KCNMA1: variants seen among roughly 807,000 people sequenced by gnomAD.
KCNMA1 encodes the protein potassium calcium-activated channel subfamily M alpha 1, also known as Calcium-activated potassium channel subunit alpha-1.
A neutral mutation model predicts 140.0 loss-of-function variants in KCNMA1; 29 were observed. That is an observed-to-expected ratio of 0.21 (90% CI 0.15 to 0.28). The LOEUF (loss-of-function observed/expected upper bound fraction) is 0.28. Among genes scored for constraint, KCNMA1 ranks in the 10% least tolerant of loss-of-function variants. KCNMA1 has a pLI of 1.00. For synonymous variants in KCNMA1, 612 were observed against 611.9 expected (o/e 1.00, Z 0.00); for missense variants, 880 against 1,602.2 (o/e 0.55, Z 7.70).
intron 1 of KCNMA1, among the ~76,000 whole-genome samples, chr10:77,421,363 C>A (rs1802876764): frequency 6.6e-6 from 1 of 152,258 alleles, no homozygotes; most frequent in Admixed American, 6.5e-5. Flanking sequence ...ATCATGTGGT[C>A]TTTGCACTGC....
At chr10:77,529,641 A>C (rs116384644) in intron 1 of KCNMA1, among the ~76,000 whole-genome samples, 1,951 of 152,260 alleles carry the variant, frequency 0.013, 49 homozygotes, top group African/African-American at 0.044. Flanking sequence ...AAGTCATGAG[A>C]TAGGAAAGAA....
intron 1 of KCNMA1, among the ~76,000 whole-genome samples, chr10:77,529,018 G>A (rs1290028379): frequency 6.6e-6 from 1 of 152,118 alleles, no homozygotes; most frequent in East Asian, 1.9e-4. Context: ...AGCACAGATG[G>A]TTGAACAGAA....
At chr10:77,590,578 C>T (rs11814127) in intron 1 of KCNMA1, among the ~76,000 whole-genome samples, 34,943 of 152,256 alleles carry the variant, frequency 0.23, 4,141 homozygotes, top group Middle Eastern at 0.31. Context: ...TCCCTCCACA[C>T]CTCCCCGCAA....
At chr10:76,972,961 T>C (rs1242386552) in intron 19 of KCNMA1, 3 of 152,214 alleles carry the variant, frequency 2.0e-5, no homozygotes, top group Admixed American at 6.5e-5. Flanking sequence ...AGTTAAGCTA[T>C]AAAATATAAT....
intron 14 of KCNMA1, among the ~76,000 whole-genome samples, chr10:77,072,485 G>A (rs2096250112): frequency 6.6e-6 from 1 of 152,026 alleles, no homozygotes; most frequent in Admixed American, 6.5e-5. Context: ...GGACTCTGGA[G>A]TGTCTGTCCA....
chr10:77,491,770 AG>A (rs1351276262), intron 1 of KCNMA1, among the ~76,000 whole-genome samples: 3 of 151,540 alleles, frequency 2.0e-5, no homozygotes. Flanking sequence ...ATATACCACC[AG>A]GGAGTCTAAT....
chr10:77,539,839 G>A (rs1301435135), intron 1 of KCNMA1, among the ~76,000 whole-genome samples: 2 of 152,210 alleles, frequency 1.3e-5, no homozygotes, highest in African/African-American at 2.4e-5. Flanking sequence ...TGGGGAAGCA[G>A]TGGGAATACA....
intron 5 of KCNMA1, among the ~76,000 whole-genome samples, chr10:77,177,370 T>G (rs956965028): frequency 2.0e-5 from 3 of 150,850 alleles, no homozygotes; most frequent in Non-Finnish European, 4.4e-5. Flanking sequence ...TTGCTTCCTT[T>G]CTTCCTTCCT....
rs567495794 is a variant in KCNMA1 at position 77,303,805 on chromosome 10, G to A, written c.541-52549C>T. On this transcript the variant is annotated intron_variant, in intron 2 of 27. Coordinates refer to ENST00000286628, the MANE Select transcript of KCNMA1 (RefSeq NM_001161352.2). ...CCCATGGATTCTTGCTTCAGGGTCTGTGCTCTTCGCCACCACACTACACTG... is the reference window on the plus strand; with the variant it reads ...CCCATGGATTCTTGCTTCAGGGTCTATGCTCTTCGCCACCACACTACACTG... Among the ~76,000 whole-genome samples the A allele has an allele frequency of 2.0e-5, 3 of 152,290 alleles. No individual in the cohort carries two copies. In the South Asian group the frequency reaches 6.2e-4, roughly 32 times the overall value.
At chr10:77,189,043 T>C (rs568092732) in intron 3 of KCNMA1, among the ~76,000 whole-genome samples, 1 of 152,278 alleles carries the variant, frequency 6.6e-6, no homozygotes, top group South Asian at 2.1e-4. Context: ...TCTCAAACTT[T>C]GGCATGCAGT....
Position 76,952,310 on chromosome 10 carries a change from A to G in KCNMA1, c.2484+1491T>C, listed in dbSNP as rs148576517. ...CCAAGGTTGGCGGATCATGAGCTCA[A>G]GAAATCGAGACCATCCTGGCCAATA... On this transcript the variant is annotated intron_variant, in intron 21 of 27. Transcript: ENST00000286628. 1.2e-4 allele frequency among the ~76,000 whole-genome samples: 19 copies of G among 152,268 alleles called. No homozygotes were observed. In the East Asian group the frequency reaches 3.7e-3, roughly 30 times the overall value.
At chr10:77,134,722 G>T (rs1036018815) in intron 5 of KCNMA1, among the ~76,000 whole-genome samples, 3 of 151,996 alleles carry the variant, frequency 2.0e-5, no homozygotes, top group African/African-American at 7.2e-5. Flanking sequence ...AGAGAGGCGG[G>T]GCGCAGTGGC....
chr10:76,940,152 G>C (rs575646382), intron 23 of KCNMA1, among the ~76,000 whole-genome samples: 1 of 152,302 alleles, frequency 6.6e-6, no homozygotes, highest in South Asian at 2.1e-4. Context: ...AGACCCAACT[G>C]TCACATCGGA....
intron 3 of KCNMA1, among the ~76,000 whole-genome samples, chr10:77,234,373 A>T (rs1237790565): frequency 6.6e-6 from 1 of 152,196 alleles, no homozygotes; most frequent in African/African-American, 2.4e-5. Context: ...AACTGAATTT[A>T]TCTTATTTAC....
intron 2 of KCNMA1, among the ~76,000 whole-genome samples, chr10:77,264,355 G>A (rs1431211377): frequency 1.3e-5 from 2 of 152,188 alleles, no homozygotes; most frequent in African/African-American, 4.8e-5. Flanking sequence ...GTGGGTGGAT[G>A]AGAATGTGGT....
At chr10:77,246,551 T>C (rs1823198659) in intron 3 of KCNMA1, among the ~76,000 whole-genome samples, 1 of 152,200 alleles carries the variant, frequency 6.6e-6, no homozygotes, top group Admixed American at 6.5e-5. Context: ...CTGCTAAAGC[T>C]CTGGACATCC....
chr10:77,351,140 G>T (rs1490894852), intron 2 of KCNMA1, among the ~76,000 whole-genome samples: 4 of 152,194 alleles, frequency 2.6e-5, no homozygotes, highest in African/African-American at 9.7e-5. Flanking sequence ...TTTTATTACT[G>T]TGATATGTTT....
chr10:76,953,430 G>A (rs532680785), intron 21 of KCNMA1, among the ~76,000 whole-genome samples: 29 of 152,204 alleles, frequency 1.9e-4, no homozygotes, highest in African/African-American at 6.3e-4. Flanking sequence ...TTACAGATAA[G>A]AAAACCGAAG....
At chr10:77,266,052 A>C (rs2063343597) in intron 2 of KCNMA1, among the ~76,000 whole-genome samples, 1 of 146,632 alleles carries the variant, frequency 6.8e-6, no homozygotes, top group Non-Finnish European at 1.5e-5. Flanking sequence ...CTGCACTCCA[A>C]CCTGGGCAAT....
Sources: allele counts gnomAD v4.1 joint callset (sites outside exome capture counted in the v4.1 genomes callset), GRCh38; gene constraint gnomAD v4.1.1; transcripts MANE v1.5; gene names NCBI Gene and HGNC (gene_info 2026-07-23, HGNC 2026-07-21).